Variants in MED13L observed in about 807,000 individuals in gnomAD.
The protein encoded by MED13L is mediator of RNA polymerase II transcription subunit 13-like.
MED13L carries 7 observed loss-of-function variants against 220.9 expected under a neutral mutation model. That is an observed-to-expected ratio of 0.03 (90% CI 0.02 to 0.06). The LOEUF is 0.06. Ranked by LOEUF, MED13L falls within the 10% of genes least tolerant of loss-of-function variation. The pLI is 1.00. For missense variants in MED13L, 1,965 were observed against 2,760.5 expected, an observed-to-expected ratio of 0.71 and a Z score of 6.46; for synonymous variants, 1,011 against 1,015.2, an observed-to-expected ratio of 1.00 and a Z score of 0.08.
intron 2 of MED13L, among the ~76,000 whole-genome samples, chr12:116,176,012 G>C (rs1880036335): frequency 6.6e-6 from 1 of 152,118 alleles, no homozygotes; most frequent in South Asian, 2.1e-4. Flanking sequence ...CTCGATCCCA[G>C]ACAGGCAACC....
intron 10 of MED13L, 122 bp from the exon 11 acceptor site, chr12:116,007,758 T>C (rs1879147647): frequency 1.3e-6 from 1 of 783,368 alleles, no homozygotes. Context: ...TTACAGTTTA[T>C]ATTCATGATT....
chr12:116,092,583 A>G (rs1270189557), intron 4 of MED13L, among the ~76,000 whole-genome samples: 1 of 152,232 alleles, frequency 6.6e-6, no homozygotes, highest in East Asian at 1.9e-4. Context: ...GTATGAGTTA[A>G]TAATGTATTG....
rs1210703341 is a variant in MED13L, at chr12:115,963,415, A to G, written c.6492T>C (p.Asp2164=). The G allele has an allele frequency of 1.9e-6, 3 of 1,610,312 alleles. No individual in the cohort carries two copies. The highest frequency in any genetic ancestry group is 2.5e-6 in the Non-Finnish European group (3 of 1,176,624). The change falls in exon 30 of 31, where the codon GAT becomes GAC. Residue 2164 remains aspartate, a synonymous_variant. Coordinates refer to ENST00000281928, the MANE Select transcript of MED13L (RefSeq NM_015335.5). ...CCTAGGTTGGTATCTACCTTAAAAC[A>G]TCCGACGTGGTTTTGGAGTCAAGAG... ...PHPLDSKTTS[D]VLRFVLEQYN...
chr12:116,202,732 C>T (rs1882083311), intron 2 of MED13L, among the ~76,000 whole-genome samples: 2 of 152,158 alleles, frequency 1.3e-5, no homozygotes, highest in Admixed American at 6.5e-5. Flanking sequence ...AACCCTTAAC[C>T]TTCTTCCCCT....
At position 116,069,441 on chromosome 12, in the gene MED13L, T is replaced by C. The variant is rs540397748; in HGVS notation, c.479+27228A>G. ...AAGCTAATTTGTACTTCCCATTTGC[T>C]TTCCTTTGCATTTCTTTTAAGTATT... On this transcript the variant is annotated intron_variant, in intron 4 of 30. Transcript: ENST00000281928. 3.9e-5 allele frequency among the ~76,000 whole-genome samples: 6 copies of C among 152,354 alleles called. No individual in the cohort carries two copies. The East Asian group carries it at 9.6e-4, about 24-fold the overall frequency.
intron 2 of MED13L, among the ~76,000 whole-genome samples, chr12:116,172,813 G>A (rs1042210707): frequency 1.3e-5 from 2 of 151,752 alleles, no homozygotes; most frequent in African/African-American, 4.8e-5. Flanking sequence ...TAACCTGGTT[G>A]GTACAAGCAA....
chr12:116,229,010 C>G (rs1334291472), intron 2 of MED13L, among the ~76,000 whole-genome samples: 1 of 152,098 alleles, frequency 6.6e-6, no homozygotes, highest in Non-Finnish European at 1.5e-5. Flanking sequence ...GTTCTGGGCT[C>G]AAGCGATCCT....
At chr12:116,203,494 T>C (rs990935184) in intron 2 of MED13L, among the ~76,000 whole-genome samples, 26 of 151,512 alleles carry the variant, frequency 1.7e-4, no homozygotes, top group African/African-American at 6.1e-4. Flanking sequence ...AGTGAAGACA[T>C]ATAAGGAAAG....
rs145886790 is a variant in MED13L at position 116,017,142 on chromosome 12, A to G, written c.1010-1868T>C. Among the ~76,000 whole-genome samples the G allele has an allele frequency of 4.4e-4, 67 of 152,324 alleles. No homozygotes were observed. In the East Asian group the frequency reaches 0.012, roughly 28 times the overall value. ...TTGTTTTAAGGAATAAGGCGACATC[A>G]GGGGATTTATTTATCCAAGGCCTAA... On this transcript the variant is annotated intron_variant, in intron 7 of 30. Transcript: ENST00000281928.
intron 4 of MED13L, among the ~76,000 whole-genome samples, chr12:116,049,863 A>G (rs1399282484): frequency 6.6e-6 from 1 of 152,228 alleles, no homozygotes; most frequent in Non-Finnish European, 1.5e-5. Context: ...AATTTAATAG[A>G]TTTCAACCAA....
chr12:116,181,600 C>T (rs571366093), intron 2 of MED13L, among the ~76,000 whole-genome samples: 6 of 152,224 alleles, frequency 3.9e-5, no homozygotes, highest in South Asian at 4.1e-4. Context: ...CTCCACCTCC[C>T]GGGTTTAAGC....
chr12:115,980,950 A>G lies in MED13L; in HGVS notation c.5176-12T>C. The G allele has an allele frequency of 6.2e-7, 1 of 1,605,728 alleles. No individual in the cohort carries two copies. Among genetic ancestry groups the G allele is most frequent in the Non-Finnish European group, 8.5e-7 (1 of 1,179,224 alleles). The stretch of plus-strand genomic sequence containing the variant: ...TGGCAAGGCACAATCTAAAGACACA[A>G]ATACAAAAAAAAAACAAAAACCAAA... On this transcript the variant is annotated splice_polypyrimidine_tract_variant and intron_variant, in intron 22 of 30. Transcript: ENST00000281928.
At chr12:116,241,204 CT>C (rs2138476828) in intron 1 of MED13L, among the ~76,000 whole-genome samples, 1 of 151,554 alleles carries the variant, frequency 6.6e-6, no homozygotes, top group East Asian at 2.0e-4. Context: ...ACTTGGGAGG[CT>C]GAAGCAGGAG....
chr12:116,046,696 G>A (rs561525607), intron 4 of MED13L, among the ~76,000 whole-genome samples: 3 of 152,296 alleles, frequency 2.0e-5, no homozygotes, highest in African/African-American at 2.4e-5. Flanking sequence ...AGAAAAGGCC[G>A]GGTGCGGTGG....
At chr12:116,019,670 T>C (rs1380289817) in intron 6 of MED13L, 108 bp downstream of exon 6, 15 of 1,361,236 alleles carry the variant, frequency 1.1e-5, no homozygotes, top group Admixed American at 1.8e-5. Flanking sequence ...AGAATTTCTT[T>C]AAAAAGATGG....
chr12:116,188,758 C>T (rs1006963599), intron 2 of MED13L, among the ~76,000 whole-genome samples: 34 of 152,082 alleles, frequency 2.2e-4, no homozygotes, highest in African/African-American at 7.2e-4. Flanking sequence ...TCCTAAACCC[C>T]GACAACTACT....
intron 2 of MED13L, among the ~76,000 whole-genome samples, chr12:116,224,603 G>A (rs1458351017): frequency 6.6e-6 from 1 of 152,116 alleles, no homozygotes; most frequent in Non-Finnish European, 1.5e-5. Flanking sequence ...AATAAATGGT[G>A]GTAATTCTAA....
At position 116,266,133 on chromosome 12, in the gene MED13L, A is replaced by G. The variant is rs1195962167; in HGVS notation, c.72+10927T>C. 2.6e-5 allele frequency among the ~76,000 whole-genome samples: 4 copies of G among 152,292 alleles called. No homozygotes were observed. In the East Asian group the frequency reaches 7.7e-4, roughly 29 times the overall value. On this transcript the variant is annotated intron_variant, in intron 1 of 30. Transcript: ENST00000281928. Reference sequence around the variant, plus strand: ...CAAATTTCTCAAACATAGCGTACAAAACATTAACATTTCTAAGTATTTGTT... The same window carrying G: ...CAAATTTCTCAAACATAGCGTACAAGACATTAACATTTCTAAGTATTTGTT...
chr12:116,073,426 T>C (rs935483003), intron 4 of MED13L, among the ~76,000 whole-genome samples: 4 of 152,196 alleles, frequency 2.6e-5, no homozygotes, highest in African/African-American at 9.7e-5. Flanking sequence ...CTCAATGTTA[T>C]ATTACTGGTC....
Sources: gnomAD v4.1 joint callset for allele counts (sites outside exome capture counted in the v4.1 genomes callset) on GRCh38, gnomAD v4.1.1 for gene constraint, MANE v1.5 for transcripts, NCBI Gene and HGNC (gene_info 2026-07-23, HGNC 2026-07-21) for gene names.